The following NHSL2 variants were observed in gnomAD, a reference collection of about 807,000 sequenced individuals.
NHSL2 encodes NHS-like protein 2.
NHSL2 carries 27 observed loss-of-function variants against 53.4 expected under a neutral mutation model. That is an observed-to-expected ratio of 0.51 (90% CI 0.37 to 0.70). The LOEUF is 0.70. NHSL2 is among the 30% of genes least tolerant of loss of function. The probability of loss-of-function intolerance (pLI) is 0.00; values close to 1 mark genes in which losing one functional copy is unlikely to be tolerated. For synonymous variants in NHSL2, 408 were observed against 404.1 expected (o/e 1.01, Z -0.12); for missense variants, 892 against 980.1 (o/e 0.91, Z 1.20).
At chrX:71,926,362 G>A (rs892829841) in intron 1 of NHSL2, among the ~76,000 whole-genome samples, 2 of 112,288 alleles carry the variant, frequency 1.8e-5, no homozygotes, top group Non-Finnish European at 3.8e-5. Flanking sequence ...ATTTGTCCTC[G>A]TGGAACTTAC....
chrX:71,957,352 C>T (rs1430287885), intron 1 of NHSL2, among the ~76,000 whole-genome samples: 2 of 112,315 alleles, frequency 1.8e-5, no homozygotes, highest in Non-Finnish European at 3.8e-5. Flanking sequence ...CTGCGAGCTC[C>T]GCCTCCCGGG....
At position 72,042,268 on chromosome X, in the gene NHSL2, G is replaced by A. The variant is rs919108604; in HGVS notation, c.281-89811G>A. Among the ~76,000 whole-genome samples, 3 of 112,732 alleles carry A rather than the reference G, an allele frequency of 2.7e-5. No homozygotes were observed. The South Asian group carries it at 1.1e-3, about 41-fold the overall frequency. ...ATCTAGAATTGTGTTCAAACCACAG[G>A]GTCAGGCAGAGTGAACTTGTTTTTG... On this transcript the variant is annotated intron_variant, in intron 1 of 7. Transcript: ENST00000633930.
At chrX:72,132,646 G>A (rs2042317870) in intron 2 of NHSL2, among the ~76,000 whole-genome samples, 1 of 111,561 alleles carries the variant, frequency 9.0e-6, no homozygotes, top group Non-Finnish European at 1.9e-5. Flanking sequence ...CTCCCACTCT[G>A]GGCTTCACTC....
chrX:72,129,756 C>A, intron 1 of NHSL2: 2 of 986,285 alleles, frequency 2.0e-6, no homozygotes, highest in African/African-American at 1.9e-5. Context: ...GCAAATGGGG[C>A]AGGTATGGCA....
intron 1 of NHSL2, among the ~76,000 whole-genome samples, chrX:72,121,850 A>C (rs1398313646): frequency 1.8e-5 from 2 of 111,986 alleles, no homozygotes; most frequent in Non-Finnish European, 3.8e-5. Context: ...TAGGAATGTA[A>C]GTGACAAACC....
Position 72,146,573 on chromosome X carries a change from G to A in NHSL2, c.*2999G>A, listed in dbSNP as rs1228875069. 8.9e-6 allele frequency: 1 copy of A among 112,116 alleles called. No homozygotes were observed. The highest frequency in any genetic ancestry group is 1.9e-5 in the Non-Finnish European group (1 of 53,263). The allele number at this position is 112,116 out of a possible 1,213,427, so 9.2% of individuals were successfully genotyped here. A position where few individuals can be genotyped will look rare whatever the true frequency, so the allele number is the denominator to read the frequency against. The stretch of plus-strand genomic sequence containing the variant: ...CCTAGGAGCTCAGCTTCCATTTCAA[G>A]TCGTCCCTATCCTCTTTTTTCCTCC... On this transcript the variant is annotated 3_prime_UTR_variant, in exon 8 of 8. Coordinates refer to ENST00000633930, the MANE Select transcript of NHSL2 (RefSeq NM_001013627.3).
chrX:71,991,862 G>T (rs1006569878), intron 1 of NHSL2, among the ~76,000 whole-genome samples: 3 of 101,942 alleles, frequency 2.9e-5, no homozygotes, highest in Non-Finnish European at 5.7e-5. Context: ...GTCTTTGGCT[G>T]TCAGTGGCCT....
chrX:71,932,420 A>T (rs891128429), intron 1 of NHSL2, among the ~76,000 whole-genome samples: 1 of 110,970 alleles, frequency 9.0e-6, no homozygotes, highest in Non-Finnish European at 1.9e-5. Context: ...AAGAAGTAAC[A>T]TGATCTGATT....
chrX:72,084,445 G>A (rs1286288198), intron 1 of NHSL2, among the ~76,000 whole-genome samples: 1 of 112,259 alleles, frequency 8.9e-6, no homozygotes, highest in Non-Finnish European at 1.9e-5. Flanking sequence ...GGAGAAATTG[G>A]ACTATGATGC....
At chrX:72,133,970 C>A (rs997909570) in intron 2 of NHSL2, 121 bp from the exon 3 acceptor site, 1 of 725,795 alleles carries the variant, frequency 1.4e-6, no homozygotes, top group Non-Finnish European at 2.0e-6. Flanking sequence ...TGGAAATAGC[C>A]TAAAGAAAAT....
intron 1 of NHSL2, among the ~76,000 whole-genome samples, chrX:71,945,882 C>A (rs1003489763): frequency 1.8e-5 from 2 of 111,923 alleles, no homozygotes; most frequent in Non-Finnish European, 3.8e-5. Context: ...CAAGTATTAC[C>A]CCCACACACA....
intron 1 of NHSL2, among the ~76,000 whole-genome samples, chrX:71,994,436 G>A (rs777337923): frequency 1.2e-3 from 127 of 109,232 alleles, no homozygotes; most frequent in African/African-American, 4.2e-3. Context: ...CCTTACTGGC[G>A]CAGGGAGCCC....
chrX:72,130,672 C>G, intron 1 of NHSL2: 2 of 1,211,903 alleles, frequency 1.7e-6, no homozygotes, highest in Non-Finnish European at 2.2e-6. Context: ...TTCTGTTGAC[C>G]ATAAGAGCTC....
At chrX:72,084,654 T>C (rs2041820733) in intron 1 of NHSL2, among the ~76,000 whole-genome samples, 1 of 111,935 alleles carries the variant, frequency 8.9e-6, no homozygotes, top group South Asian at 3.7e-4. Context: ...CAGCAGCAGT[T>C]CCGCGGCTGA....
chrX:72,019,452 A>C (rs2042150066), intron 1 of NHSL2, among the ~76,000 whole-genome samples: 1 of 112,318 alleles, frequency 8.9e-6, no homozygotes, highest in East Asian at 2.8e-4. Flanking sequence ...GAATGAACAA[A>C]TGCGATGATT....
intron 1 of NHSL2, among the ~76,000 whole-genome samples, chrX:71,946,329 G>T (rs145103861): frequency 0.012 from 1,310 of 112,336 alleles, 15 homozygotes; most frequent in African/African-American, 0.039. Context: ...CCTGCCTGTT[G>T]ATTAAGTATT....
chrX:72,140,364 G>C lies in NHSL2; in HGVS notation c.2816G>C (p.Gly939Ala). The C allele has an allele frequency of 1.7e-6, 2 of 1,211,271 alleles. No homozygotes were observed. Among genetic ancestry groups the C allele is most frequent in the Non-Finnish European group, 2.2e-6 (2 of 895,213 alleles). ...AGCTTCCCAGATGGCAGAAGCCCAG[G>C]GGAGTCAACAGCACCCTCATCTCTT... ...PSSFPDGRSPGESTAPSSLVF... is the reference protein window; with the variant it reads ...PSSFPDGRSPAESTAPSSLVF... Residue 939 changes from glycine to alanine, a missense_variant, in exon 6 of 8, where the codon GGG becomes GCG. By Grantham distance (60) the Gly-to-Ala change is moderately conservative. Coordinates refer to ENST00000633930, the MANE Select transcript of NHSL2 (RefSeq NM_001013627.3).
intron 1 of NHSL2, among the ~76,000 whole-genome samples, chrX:72,098,132 C>T (rs747728291): frequency 8.9e-6 from 1 of 112,371 alleles, no homozygotes; most frequent in Admixed American, 9.4e-5. Flanking sequence ...TGGTGCCCTT[C>T]CTCAGGCTCT....
At chrX:72,066,062 G>T (rs1371108006) in intron 1 of NHSL2, among the ~76,000 whole-genome samples, 1 of 111,689 alleles carries the variant, frequency 9.0e-6, no homozygotes. Flanking sequence ...GCTCACTCTG[G>T]CTGCTGTGTC....
Sources: gnomAD v4.1 joint callset for allele counts (sites outside exome capture counted in the v4.1 genomes callset) on GRCh38, gnomAD v4.1.1 for gene constraint, MANE v1.5 for transcripts, NCBI Gene and HGNC (gene_info 2026-07-23, HGNC 2026-07-21) for gene names.